NUGGC: variants seen among roughly 807,000 people sequenced by gnomAD.
NUGGC encodes the protein nuclear GTPase SLIP-GC.
Under a neutral mutation model 92.6 loss-of-function variants are expected in NUGGC, and 58 were observed. That is an observed-to-expected ratio of 0.63 (90% CI 0.51 to 0.78). The LOEUF is 0.78. Among genes scored for constraint, NUGGC ranks in the 30% least tolerant of loss-of-function variants. NUGGC has a pLI of 0.00. For missense variants in NUGGC, 925 were observed against 964.6 expected (o/e 0.96, Z 0.54); for synonymous variants, 376 against 366.4 (o/e 1.03, Z -0.30).
At chr8:28,028,180 G>A (rs1231137337) in intron 17 of NUGGC, among the ~76,000 whole-genome samples, 6 of 151,958 alleles carry the variant, frequency 3.9e-5, no homozygotes, top group Admixed American at 1.3e-4. Flanking sequence ...TTTTTTAAGC[G>A]ACATAGTTTC....
intron 15 of NUGGC, 103 bp from the exon 16 acceptor site, chr8:28,030,521 A>C: frequency 1.5e-6 from 1 of 685,958 alleles, no homozygotes; most frequent in Non-Finnish European, 2.7e-6. Flanking sequence ...TCCACCTTAT[A>C]TGATGCCCAG....
chr8:28,049,100 G>C (rs1158735230), intron 10 of NUGGC, among the ~76,000 whole-genome samples: 2 of 152,140 alleles, frequency 1.3e-5, no homozygotes, highest in African/African-American at 4.8e-5. Flanking sequence ...ATCTCTTTCT[G>C]ATGCAAAGAT....
At chr8:28,029,167 G>A in intron 17 of NUGGC, 99 bp downstream of exon 17, 1 of 1,250,488 alleles carries the variant, frequency 8.0e-7, no homozygotes, top group Non-Finnish European at 1.1e-6. Context: ...GTTCCATTTG[G>A]ACCCAAATGC....
intron 10 of NUGGC, among the ~76,000 whole-genome samples, chr8:28,051,366 T>TATGAGCTC (rs1434893303): frequency 6.6e-6 from 1 of 152,212 alleles, no homozygotes; most frequent in Admixed American, 6.5e-5. Context: ...TGTGAAAAGC[T>TATGAGCTC]ATGAGCTCAT....
At chr8:28,060,712 G>T in intron 7 of NUGGC, 111 bp from the exon 8 acceptor site, 1 of 811,564 alleles carries the variant, frequency 1.2e-6, no homozygotes, top group Non-Finnish European at 1.9e-6. Flanking sequence ...ACCCCTCACC[G>T]CTCCCCACCG....
chr8:28,047,347 T>A (rs934613201), intron 11 of NUGGC, among the ~76,000 whole-genome samples, 160 bp downstream of exon 11: 6 of 152,090 alleles, frequency 3.9e-5, no homozygotes, highest in African/African-American at 1.4e-4. Context: ...ACCACAACAA[T>A]GCAGAGAGGA....
Position 28,046,907 on chromosome 8 carries a change from G to T in NUGGC, c.1312+600C>A, listed in dbSNP as rs115494487. ...TGGTCTTGAACTCCTGACCTTAGGG[G>T]ATCAACCCACCTCGACCTCCCAAAG... On this transcript the variant is annotated intron_variant, in intron 11 of 18. Transcript: ENST00000413272. Among the ~76,000 whole-genome samples the T allele has an allele frequency of 5.9e-3, 897 of 151,898 alleles. 10 individuals carry two copies. Among genetic ancestry groups the T allele is most frequent in the African/African-American group, 0.018 (760 of 41,420 alleles).
chr8:28,057,066 AATACCCTAAAT>A (rs1436462843), intron 9 of NUGGC, among the ~76,000 whole-genome samples: 1 of 152,202 alleles, frequency 6.6e-6, no homozygotes, highest in South Asian at 2.1e-4. Flanking sequence ...TGTTTAGAGC[AATACCCTAAAT>A]CTTGAATAAC....
intron 1 of NUGGC, among the ~76,000 whole-genome samples, chr8:28,080,172 C>A (rs191811289): frequency 4.1e-4 from 62 of 152,184 alleles, no homozygotes; most frequent in African/African-American, 1.5e-3. Flanking sequence ...GAACCCCTGA[C>A]CTCAGGTGAT....
intron 7 of NUGGC, among the ~76,000 whole-genome samples, chr8:28,061,257 G>A (rs977035986): frequency 1.3e-5 from 2 of 152,202 alleles, no homozygotes; most frequent in African/African-American, 2.4e-5. Context: ...GCAGCATGGA[G>A]CCAGAAACCA....
chr8:28,036,822 A>AC (rs1809565957), intron 13 of NUGGC, among the ~76,000 whole-genome samples: 1 of 152,128 alleles, frequency 6.6e-6, no homozygotes, highest in Non-Finnish European at 1.5e-5. Flanking sequence ...TTAACAAAGC[A>AC]CCTACTGTAA....
chr8:28,031,477 G>T, intron 14 of NUGGC, 96 bp from the exon 15 acceptor site: 1 of 1,183,752 alleles, frequency 8.4e-7, no homozygotes, highest in Non-Finnish European at 1.2e-6. Flanking sequence ...ATTCATTTAA[G>T]AGAAGGAAGA....
chr8:28,064,712 T>C lies in NUGGC; in HGVS notation c.731A>G (p.Lys244Arg). 6.2e-7 allele frequency: 1 copy of C among 1,613,926 alleles called. No homozygotes were observed. Residue 244 changes from lysine to arginine, a missense_variant, in exon 7 of 19, where the codon AAG becomes AGG. Physicochemically the swap from Lys to Arg is conservative, Grantham distance 26. Transcript: ENST00000413272. ...CTGTGTGCGGATGTAGGGGTCCAGCTTGATGGACAGCTCTTCTGCCTGAAG... is the reference window on the plus strand; with the variant it reads ...CTGTGTGCGGATGTAGGGGTCCAGCCTGATGGACAGCTCTTCTGCCTGAAG... The part of the protein sequence containing the change: ...KAEEAEELSI[K>R]LDPYIRTQRR...
At chr8:28,028,054 G>C (rs995242100) in intron 17 of NUGGC, among the ~76,000 whole-genome samples, 2 of 142,660 alleles carry the variant, frequency 1.4e-5, no homozygotes, top group African/African-American at 5.8e-5. Flanking sequence ...GTTAACTGGC[G>C]TTCTTTAAAA....
intron 13 of NUGGC, among the ~76,000 whole-genome samples, chr8:28,038,567 G>A (rs1040062329): frequency 7.2e-5 from 11 of 152,190 alleles, no homozygotes; most frequent in South Asian, 2.1e-4. Flanking sequence ...ACTGAGGTAC[G>A]AACCAGAGCC....
In NUGGC at chr8:28,030,366, C is replaced by T. The variant is rs1238026678; in HGVS notation, c.1961G>A (p.Arg654Lys). The T allele has an allele frequency of 1.3e-6, 2 of 1,582,214 alleles. No homozygotes were observed. The highest frequency in any genetic ancestry group is 1.7e-6 in the Non-Finnish European group (2 of 1,163,066). Residue 654 changes from arginine (R) to lysine (K), a missense_variant, in exon 16 of 19, where the codon AGG becomes AAG. Transcript: ENST00000413272. ...LEDHILRRKR[R>K]IYESLTASVQ... ...AGAGGCAGTGAGGGACTCGTAGATC[C>T]TCCTCTTCCTTCTGAGGATGTGGTC...
At chr8:28,023,498 T>C (rs1405476766) in intron 18 of NUGGC, 36 bp from the exon 19 acceptor site, 1 of 1,587,350 alleles carries the variant, frequency 6.3e-7, no homozygotes. Flanking sequence ...CAGGACTTGG[T>C]GTCCGTTGCA....
chr8:28,042,341 A>C (rs1809720740), intron 12 of NUGGC, among the ~76,000 whole-genome samples: 1 of 152,140 alleles, frequency 6.6e-6, no homozygotes, highest in African/African-American at 2.4e-5. Flanking sequence ...TTGGCCTTTA[A>C]GGCACCTCAT....
chr8:28,043,691 A>C (rs1809756053), intron 12 of NUGGC, among the ~76,000 whole-genome samples: 2 of 152,350 alleles, frequency 1.3e-5, no homozygotes, highest in South Asian at 4.1e-4. Flanking sequence ...TGGGGTGGGC[A>C]CTTCTGGCCT....
Sources: gnomAD v4.1 joint callset for allele counts (sites outside exome capture counted in the v4.1 genomes callset) on GRCh38, gnomAD v4.1.1 for gene constraint, MANE v1.5 for transcripts, NCBI Gene and HGNC (gene_info 2026-07-23, HGNC 2026-07-21) for gene names.